HDAC9: variants seen among roughly 807,000 people sequenced by gnomAD.
HDAC9 encodes the protein MEF-2 interacting transcription repressor (MITR) protein.
In HDAC9, 41 loss-of-function variants were observed where a neutral mutation model predicts 139.4. The ratio of observed to expected loss-of-function variants is 0.29; its 90% CI spans 0.23 to 0.38. The LOEUF (loss-of-function observed/expected upper bound fraction) is 0.38, where lower values mean the gene tolerates loss of function less well. Among genes scored for constraint, HDAC9 ranks in the 10% least tolerant of loss-of-function variants. The pLI, the probability that HDAC9 is intolerant of heterozygous loss-of-function variation, is 1.00. For synonymous variants in HDAC9, 517 were observed against 476.2 expected, an observed-to-expected ratio of 1.09 and a Z score of -1.12; for missense variants, 1,147 against 1,297.0, an observed-to-expected ratio of 0.88 and a Z score of 1.78.
chr7:18,817,681 G>A (rs1190832963), intron 17 of HDAC9, among the ~76,000 whole-genome samples: 3 of 152,136 alleles, frequency 2.0e-5, no homozygotes, highest in Non-Finnish European at 2.9e-5. Flanking sequence ...GGTAAGAGAC[G>A]TGTACACATG....
chr7:18,443,407 TGGGTGTG>T (rs1276916755), intron 1 of HDAC9, among the ~76,000 whole-genome samples: 3 of 152,196 alleles, frequency 2.0e-5, no homozygotes, highest in Non-Finnish European at 2.9e-5. Context: ...GATTGGAAAC[TGGGTGTG>T]TTCTAGGAAG....
chr7:18,226,350 G>A (rs1374235725), intron 2 of HDAC9, among the ~76,000 whole-genome samples: 2 of 152,082 alleles, frequency 1.3e-5, no homozygotes, highest in Admixed American at 6.6e-5. Context: ...AAAAGACTTG[G>A]CCCCTGTGAG....
At chr7:18,183,532 A>G (rs1216538700) in intron 2 of HDAC9, among the ~76,000 whole-genome samples, 1 of 151,980 alleles carries the variant, frequency 6.6e-6, no homozygotes, top group African/African-American at 2.4e-5. Context: ...CCATTTTTTC[A>G]CCTTACTCCA....
At chr7:18,755,730 C>G (rs1788818022) in intron 14 of HDAC9, among the ~76,000 whole-genome samples, 4 of 151,978 alleles carry the variant, frequency 2.6e-5, no homozygotes, top group African/African-American at 9.7e-5. Context: ...AGTATATATG[C>G]TCGTCACCAT....
At chr7:18,774,709 G>C (rs1790608024) in intron 16 of HDAC9, among the ~76,000 whole-genome samples, 1 of 152,050 alleles carries the variant, frequency 6.6e-6, no homozygotes, top group African/African-American at 2.4e-5. Flanking sequence ...TGGTTGGGTT[G>C]ATCTTCTGTC....
chr7:18,858,108 CGA>C (rs1164497141), intron 21 of HDAC9, among the ~76,000 whole-genome samples: 1 of 151,980 alleles, frequency 6.6e-6, no homozygotes, highest in Non-Finnish European at 1.5e-5. Context: ...ACAGCAGTGT[CGA>C]AATACCACCA....
intron 12 of HDAC9, among the ~76,000 whole-genome samples, chr7:18,685,151 T>TA (rs973771310): frequency 2.0e-5 from 3 of 151,958 alleles, no homozygotes; most frequent in Non-Finnish European, 2.9e-5. Context: ...TACACTGAAA[T>TA]AAAAAAAGAC....
rs187879173 is a variant in HDAC9, at chr7:18,697,246, C to T, written c.1732-30334C>T. 3.3e-5 allele frequency among the ~76,000 whole-genome samples: 5 copies of T among 152,238 alleles called. No individual in the cohort carries two copies. In the East Asian group the frequency reaches 9.7e-4, roughly 30 times the overall value. ...GATGCTCATCATGACGAGGCCCAGC[C>T]TATGGGAGATGGGATCATTAGCCTG... On this transcript the variant is annotated intron_variant, in intron 12 of 25. Transcript: ENST00000686413.
intron 12 of HDAC9, among the ~76,000 whole-genome samples, chr7:18,709,812 C>T (rs1205529934): frequency 6.6e-6 from 1 of 152,186 alleles, no homozygotes; most frequent in Admixed American, 6.5e-5. Context: ...GTTGGCATCA[C>T]AGACATGAGC....
chr7:18,619,592 G>A (rs1479312616), intron 6 of HDAC9, among the ~76,000 whole-genome samples: 1 of 152,144 alleles, frequency 6.6e-6, no homozygotes, highest in Non-Finnish European at 1.5e-5. Context: ...CATAAGATCT[G>A]TGTCTATGGG....
intron 1 of HDAC9, among the ~76,000 whole-genome samples, chr7:18,327,227 A>G (rs1482593584): frequency 6.6e-6 from 1 of 151,852 alleles, no homozygotes; most frequent in Non-Finnish European, 1.5e-5. Flanking sequence ...GTGTTTAGGG[A>G]AATAAGCTTA....
intron 22 of HDAC9, among the ~76,000 whole-genome samples, chr7:18,896,741 T>G (rs933489848): frequency 6.6e-6 from 1 of 152,104 alleles, no homozygotes; most frequent in Non-Finnish European, 1.5e-5. Flanking sequence ...AAAGCCATTT[T>G]GTTAAAGATA....
intron 1 of HDAC9, among the ~76,000 whole-genome samples, chr7:18,331,641 AAAG>A (rs1475282939): frequency 1.3e-5 from 2 of 151,678 alleles, no homozygotes; most frequent in Non-Finnish European, 1.5e-5. Context: ...AATTTTAAAA[AAAG>A]AAGTACAAAA....
At chr7:18,392,730 A>G (rs1414074506) in intron 1 of HDAC9, among the ~76,000 whole-genome samples, 6 of 152,014 alleles carry the variant, frequency 3.9e-5, no homozygotes, top group Admixed American at 6.6e-5. Context: ...TTATTTTTCC[A>G]GAGGACATGA....
intron 14 of HDAC9, among the ~76,000 whole-genome samples, chr7:18,761,029 T>C (rs1193562845): frequency 6.6e-6 from 1 of 152,220 alleles, no homozygotes; most frequent in East Asian, 1.9e-4. Context: ...GAACAGATTC[T>C]CCTTGAATTT....
intron 3 of HDAC9, among the ~76,000 whole-genome samples, chr7:18,588,398 C>T (rs1017515637): frequency 9.9e-5 from 15 of 151,912 alleles, no homozygotes; most frequent in South Asian, 2.1e-4. Context: ...GGAATATTTA[C>T]ATATCTGTAC....
At chr7:18,548,806 C>A (rs183737889) in intron 2 of HDAC9, among the ~76,000 whole-genome samples, 87 of 152,278 alleles carry the variant, frequency 5.7e-4, no homozygotes, top group African/African-American at 2.0e-3. Context: ...ATATATATAT[C>A]TCTATGATAA....
chr7:18,949,069 T>A (rs1010751871), intron 23 of HDAC9: 4 of 380,618 alleles, frequency 1.1e-5, no homozygotes, highest in African/African-American at 8.7e-5. Flanking sequence ...TAGGTCCTTT[T>A]AGCGTTTTGG....
intron 1 of HDAC9, among the ~76,000 whole-genome samples, chr7:18,365,547 A>G (rs1784114008): frequency 6.6e-6 from 1 of 152,078 alleles, no homozygotes; most frequent in African/African-American, 2.4e-5. Context: ...TTCTCCAATA[A>G]TCCTTAGCCT....
Sources: gnomAD v4.1 joint callset for allele counts (sites outside exome capture counted in the v4.1 genomes callset) on GRCh38, gnomAD v4.1.1 for gene constraint, MANE v1.5 for transcripts, NCBI Gene and HGNC (gene_info 2026-07-23, HGNC 2026-07-21) for gene names.